Variants in TNRC6B observed in about 807,000 individuals in gnomAD.
TNRC6B encodes trinucleotide repeat-containing gene 6B protein.
In TNRC6B, 52 loss-of-function variants were observed where a neutral mutation model predicts 203.6. The observed-to-expected ratio is 0.26, with a 90% CI of 0.20 to 0.32. TNRC6B has a LOEUF of 0.32. Among genes scored for constraint, TNRC6B ranks in the 10% least tolerant of loss-of-function variants. The pLI is 1.00. For synonymous variants in TNRC6B, 838 were observed against 845.7 expected, an observed-to-expected ratio of 0.99 and a Z score of 0.16; for missense variants, 1,923 against 2,286.2, an observed-to-expected ratio of 0.84 and a Z score of 3.24.
At chr22:40,195,237 C>G (rs2146398732) in intron 1 of TNRC6B, among the ~76,000 whole-genome samples, 1 of 152,256 alleles carries the variant, frequency 6.6e-6, no homozygotes, top group South Asian at 2.1e-4. Flanking sequence ...AAACAACACA[C>G]CAAAACCACA....
chr22:40,187,961 T>C (rs1445564397), intron 1 of TNRC6B, among the ~76,000 whole-genome samples: 1 of 152,224 alleles, frequency 6.6e-6, no homozygotes, highest in Non-Finnish European at 1.5e-5. Flanking sequence ...GGCTCACGCC[T>C]GTAGTCCCAG....
At chr22:40,295,675 G>A (rs1303720098) in intron 12 of TNRC6B, among the ~76,000 whole-genome samples, 5 of 152,006 alleles carry the variant, frequency 3.3e-5, no homozygotes, top group African/African-American at 1.2e-4. Flanking sequence ...TTCAGAAGAT[G>A]GATAGTAAGG....
intron 12 of TNRC6B, among the ~76,000 whole-genome samples, chr22:40,294,025 C>T (rs2070904373): frequency 6.9e-6 from 1 of 144,846 alleles, no homozygotes; most frequent in Non-Finnish European, 1.5e-5. Flanking sequence ...GCACTTGAGC[C>T]TAGGAGTTCG....
intron 3 of TNRC6B, among the ~76,000 whole-genome samples, chr22:40,259,849 C>T (rs772043510): frequency 7.2e-5 from 11 of 152,230 alleles, no homozygotes; most frequent in Non-Finnish European, 1.3e-4. Context: ...TTGGCCCTGA[C>T]GTTACCCTGG....
At chr22:40,255,940 C>T (rs1053364505) in intron 3 of TNRC6B, among the ~76,000 whole-genome samples, 7 of 152,182 alleles carry the variant, frequency 4.6e-5, no homozygotes, top group Admixed American at 6.5e-5. Flanking sequence ...GCAACCTCCG[C>T]CTCCCAGGTT....
chr22:40,144,229 G>A (rs988783898), intron 3 of TNRC6B, among the ~76,000 whole-genome samples: 3 of 152,184 alleles, frequency 2.0e-5, no homozygotes, highest in Non-Finnish European at 4.4e-5. Flanking sequence ...ATACTCCATA[G>A]AAATGACTGC....
At position 40,308,767 on chromosome 22, in the gene TNRC6B, TG is replaced by T; in HGVS notation, c.4258+119del. 4 of 1,228,198 alleles carry T rather than the reference TG, an allele frequency of 3.3e-6. No individual in the cohort carries two copies. The South Asian group carries it at 6.2e-5, about 19-fold the overall frequency. 76.1% of individuals were successfully genotyped at this position (1,228,198 alleles called of 1,614,324 possible). A position where few individuals can be genotyped will look rare whatever the true frequency, so the allele number is the denominator to read the frequency against. ...TCATTTTCCTTGTGAATCCTATGAT[TG>T]CCTGTGGAGGAAGGTCAGAGTCATG... On this transcript the variant is annotated intron_variant, in intron 16 of 22. Transcript: ENST00000454349.
At chr22:40,319,365 T>C (rs1020201440) in intron 21 of TNRC6B, among the ~76,000 whole-genome samples, 1 of 151,890 alleles carries the variant, frequency 6.6e-6, no homozygotes, top group Non-Finnish European at 1.5e-5. Flanking sequence ...ATTAAGATGT[T>C]TTTAGAGAAA....
At chr22:40,212,753 A>AT (rs1391687815) in intron 1 of TNRC6B, among the ~76,000 whole-genome samples, 2 of 152,030 alleles carry the variant, frequency 1.3e-5, no homozygotes, top group Non-Finnish European at 1.5e-5. Flanking sequence ...GGTTCAAGCG[A>AT]TTCTCGTGCC....
At chr22:40,163,456 CAAAAAAAA>C (rs1180212519) in intron 4 of TNRC6B, among the ~76,000 whole-genome samples, 2 of 7,000 alleles carry the variant, frequency 2.9e-4, no homozygotes, top group African/African-American at 1.8e-3. Context: ...GACCCTGTCT[CAAAAAAAA>C]AAAAAAAAAA....
intron 1 of TNRC6B, among the ~76,000 whole-genome samples, chr22:40,105,848 C>G (rs1168167592): frequency 6.6e-6 from 1 of 152,140 alleles, no homozygotes; most frequent in African/African-American, 2.4e-5. Flanking sequence ...AGAATCAAGC[C>G]AAACCATTCT....
At chr22:40,314,242 A>G (rs1441673032) in intron 19 of TNRC6B, among the ~76,000 whole-genome samples, 1 of 152,092 alleles carries the variant, frequency 6.6e-6, no homozygotes, top group African/African-American at 2.4e-5. Flanking sequence ...TAATGATCTC[A>G]TGCATCATTT....
chr22:40,051,739 G>A (rs2067746350), intron 1 of TNRC6B, among the ~76,000 whole-genome samples: 1 of 152,112 alleles, frequency 6.6e-6, no homozygotes, highest in Admixed American at 6.5e-5. Context: ...ACAAATATGA[G>A]CCACATATGT....
At chr22:40,248,471 T>A (rs1007989872) in intron 2 of TNRC6B, among the ~76,000 whole-genome samples, 1 of 152,260 alleles carries the variant, frequency 6.6e-6, no homozygotes, top group African/African-American at 2.4e-5. Context: ...TATATATTCC[T>A]CTTCATTTTT....
At chr22:40,193,313 G>A (rs967502532) in intron 1 of TNRC6B, among the ~76,000 whole-genome samples, 18 of 152,208 alleles carry the variant, frequency 1.2e-4, no homozygotes, top group Admixed American at 1.2e-3. Flanking sequence ...GGTGCTCAGT[G>A]ACCATTTGTT....
At position 40,270,228 on chromosome 22, in the gene TNRC6B, G is replaced by T; in HGVS notation, c.2913G>T (p.Ser971=). The change falls in exon 6 of 23, where the codon TCG becomes TCT. Residue 971 remains serine, a synonymous_variant. Coordinates refer to ENST00000454349, the MANE Select transcript of TNRC6B (RefSeq NM_001162501.2). ...GWGEMDDTGA[S]TTGWGNTPAN... ...GCGAGATGGATGATACAGGAGCATC[G>T]ACCACAGGCTGGGGGAACACGCCCG... is the stretch of plus-strand genomic sequence containing the variant. The T allele has an allele frequency of 2.6e-6, 4 of 1,523,870 alleles. No homozygotes were observed. The highest frequency in any genetic ancestry group is 1.2e-5 in the South Asian group (1 of 81,412). The allele number at this position is 1,523,870 out of a possible 1,614,324, so 94.4% of individuals were successfully genotyped here. A position where few individuals can be genotyped will look rare whatever the true frequency, so the allele number is the denominator to read the frequency against.
At chr22:40,058,838 T>G (rs2067823510) in intron 1 of TNRC6B, among the ~76,000 whole-genome samples, 1 of 152,208 alleles carries the variant, frequency 6.6e-6, no homozygotes, top group Non-Finnish European at 1.5e-5. Context: ...TTTGACCTTC[T>G]CATTTTTATG....
At chr22:40,160,213 AC>A (rs2068859600) in intron 4 of TNRC6B, among the ~76,000 whole-genome samples, 1 of 152,032 alleles carries the variant, frequency 6.6e-6, no homozygotes, top group Non-Finnish European at 1.5e-5. Context: ...GCGGTGACTC[AC>A]GCCTGTAATC....
Position 40,301,284 on chromosome 22 carries a change from G to A in TNRC6B, c.4071G>A (p.Val1357=). Residue 1357 remains valine (V), a synonymous_variant, in exon 15 of 23, where the codon GTG becomes GTA. Transcript: ENST00000454349. Reference sequence around the variant, plus strand: ...ACATGGTACCCAACGCATTGAATGTGGGGCTCCCAGACCTTCAAACCAAAG... The same window carrying A: ...ACATGGTACCCAACGCATTGAATGTAGGGCTCCCAGACCTTCAAACCAAAG... The part of the protein sequence containing the change: ...LDNMVPNALN[V]GLPDLQTKGP... 1.9e-6 allele frequency: 3 copies of A among 1,600,734 alleles called. No individual in the cohort carries two copies. The highest frequency in any genetic ancestry group is 2.6e-6 in the Non-Finnish European group (3 of 1,173,004).
Sources: gnomAD v4.1 joint callset for allele counts (sites outside exome capture counted in the v4.1 genomes callset) on GRCh38, gnomAD v4.1.1 for gene constraint, MANE v1.5 for transcripts, NCBI Gene and HGNC (gene_info 2026-07-23, HGNC 2026-07-21) for gene names.